The following ZDHHC5 variants were observed in gnomAD, a reference collection of about 807,000 sequenced individuals.
ZDHHC5 encodes zDHHC palmitoyltransferase 5, also known as palmitoyltransferase ZDHHC5.
In ZDHHC5, 22 loss-of-function variants were observed where a neutral mutation model predicts 70.0. The ratio of observed to expected loss-of-function variants is 0.31; its 90% CI spans 0.22 to 0.45. The LOEUF is 0.45. Ranked by LOEUF, ZDHHC5 falls within the 20% of genes least tolerant of loss-of-function variation. The pLI, the probability that ZDHHC5 is intolerant of heterozygous loss-of-function variation, is 1.00. For synonymous variants in ZDHHC5, 313 were observed against 347.8 expected (o/e 0.90, Z 1.11); for missense variants, 746 against 926.9 (o/e 0.80, Z 2.53).
At position 57,700,488 on chromosome 11, in the gene ZDHHC5, T is replaced by C. The variant is rs182445440; in HGVS notation, c.*457T>C. 22 of 151,588 alleles carry C rather than the reference T, an allele frequency of 1.5e-4. No homozygotes were observed. Among genetic ancestry groups the C allele is most frequent in the African/African-American group, 5.3e-4 (22 of 41,296 alleles). 9.4% of individuals were successfully genotyped at this position (151,588 alleles called of 1,614,324 possible). On this transcript the variant is annotated 3_prime_UTR_variant, in exon 12 of 12. Transcript: ENST00000287169. ...CTGGGATGGGAAAATGAGGGAGGGA[T>C]ACATATACGGAGGGGGATCTTACTC...
rs756062607 is a variant in ZDHHC5, at chr11:57,699,012, C to G, written c.1576C>G (p.Arg526Gly). ...TTTGGTGCCAACTGGCCCAACACAC[C>G]GAGAGCCCTCACCAGTCCGTTACGA... ...PRLVPTGPTH[R>G]EPSPVRYDNL... Residue 526 changes from arginine (R) to glycine (G), a missense_variant, in exon 11 of 12, where the codon CGA becomes GGA. Physicochemically the swap from Arg to Gly is moderately radical, Grantham distance 125. This residue lies in a region of ZDHHC5 where 340 missense variants were observed against 350.1 expected (regional missense o/e 0.97). Coordinates refer to ENST00000287169, the MANE Select transcript of ZDHHC5 (RefSeq NM_015457.3). The G allele has an allele frequency of 1.7e-5, 27 of 1,609,212 alleles. No individual in the cohort carries two copies. The highest frequency in any genetic ancestry group is 2.3e-5 in the Non-Finnish European group (27 of 1,180,012).
chr11:57,675,089 C>G (rs948820557), intron 2 of ZDHHC5, among the ~76,000 whole-genome samples: 2 of 152,142 alleles, frequency 1.3e-5, no homozygotes, highest in East Asian at 3.8e-4. Flanking sequence ...GAAGTAGAAT[C>G]AAAATTTTAA....
chr11:57,675,025 G>C (rs1946053787), intron 2 of ZDHHC5, among the ~76,000 whole-genome samples: 1 of 152,214 alleles, frequency 6.6e-6, no homozygotes, highest in Non-Finnish European at 1.5e-5. Flanking sequence ...CTACCAGAAA[G>C]AGGGGTGAGT....
chr11:57,680,659 A>T (rs1281439970), intron 2 of ZDHHC5, among the ~76,000 whole-genome samples: 2 of 152,164 alleles, frequency 1.3e-5, no homozygotes, highest in African/African-American at 4.8e-5. Flanking sequence ...CCCAGGCGGA[A>T]ATTGAAGTGA....
chr11:57,687,756 GTTTTTTTTTTT>G (rs746146074), intron 3 of ZDHHC5, among the ~76,000 whole-genome samples: 6 of 75,290 alleles, frequency 8.0e-5, no homozygotes, highest in Middle Eastern at 0.019. Flanking sequence ...TTTTGGGAAA[GTTTTTTTTTTT>G]TTTTTTTTTT....
Position 57,671,788 on chromosome 11 carries a change from T to A in ZDHHC5, c.-1070-233T>A, listed in dbSNP as rs139176135. Among the ~76,000 whole-genome samples, 120 of 152,360 alleles carry A rather than the reference T, an allele frequency of 7.9e-4. 5 individuals are homozygous for A. In the East Asian group the frequency reaches 0.016, roughly 21 times the overall value. On this transcript the variant is annotated intron_variant, in intron 1 of 11. Transcript: ENST00000287169. Reference sequence around the variant, plus strand: ...CCTTACAAGAGCTAGTCCTTTGATGTCCTTTGGCCAGGTGAAGCCATGTTC... The same window carrying A: ...CCTTACAAGAGCTAGTCCTTTGATGACCTTTGGCCAGGTGAAGCCATGTTC...
Position 57,700,124 on chromosome 11 carries a change from G to T in ZDHHC5, c.*93G>T. 1.4e-6 allele frequency: 2 copies of T among 1,430,782 alleles called. No individual in the cohort carries two copies. The highest frequency in any genetic ancestry group is 1.5e-5 in the South Asian group (1 of 67,242). 88.6% of individuals were successfully genotyped at this position (1,430,782 alleles called of 1,614,324 possible). ...TTCCCTCAAGGGGCTCCCCTCCCGT[G>T]CATGGACATTTTTTAAACCACCGAT... On this transcript the variant is annotated 3_prime_UTR_variant, in exon 12 of 12. Coordinates refer to ENST00000287169, the MANE Select transcript of ZDHHC5 (RefSeq NM_015457.3).
chr11:57,698,966 G>A lies in ZDHHC5; in HGVS notation c.1530G>A (p.Arg510=), dbSNP rs139706201. ...TGTCAGCCAGGCTGGCCCAGCAACG[G>A]GAAGCTGAGAGGCACCCACGTTTGG... is the stretch of plus-strand genomic sequence containing the variant. ...PFLSARLAQQ[R]EAERHPRLVP... The change falls in exon 11 of 12, where the codon CGG becomes CGA. Residue 510 remains arginine, a synonymous_variant. Coordinates refer to ENST00000287169, the MANE Select transcript of ZDHHC5 (RefSeq NM_015457.3). 7.4e-6 allele frequency: 12 copies of A among 1,612,788 alleles called. No individual in the cohort carries two copies. The highest frequency in any genetic ancestry group is 1.0e-5 in the Non-Finnish European group (12 of 1,180,004).
At chr11:57,682,270 G>A in intron 2 of ZDHHC5, 152 bp from the exon 3 acceptor site, 1 of 1,041,826 alleles carries the variant, frequency 9.6e-7, no homozygotes, top group Non-Finnish European at 1.3e-6. Flanking sequence ...CTCACTTAGT[G>A]GGAAAGATAA....
In ZDHHC5 at chr11:57,686,231, G is replaced by A. The variant is rs527889994; in HGVS notation, c.227-2277G>A. Among the ~76,000 whole-genome samples the A allele has an allele frequency of 9.2e-4, 140 of 152,130 alleles. 1 individual carries two copies. Among genetic ancestry groups the A allele is most frequent in the African/African-American group, 3.1e-3 (127 of 41,496 alleles). On this transcript the variant is annotated intron_variant, in intron 3 of 11. Coordinates refer to ENST00000287169, the MANE Select transcript of ZDHHC5 (RefSeq NM_015457.3). ...TTCAGGGCTGCAGTGAGCTGTGGTC[G>A]CAGCACAGCACTCCAGCCTGGGTGA...
chr11:57,695,775 A>T lies in ZDHHC5; in HGVS notation c.886-145A>T. The T allele has an allele frequency of 8.8e-6, 10 of 1,140,036 alleles. 1 individual carries two copies. The South Asian group carries it at 1.7e-4, about 19-fold the overall frequency. The allele number at this position is 1,140,036 out of a possible 1,614,324, so 70.6% of individuals were successfully genotyped here. On this transcript the variant is annotated intron_variant, in intron 8 of 11. Transcript: ENST00000287169. ...CGTACCACTGTACTCCAGCCTGGTCAACAGAGTGAGACCTTGTCTCAAAAA... is the reference window on the plus strand; with the variant it reads ...CGTACCACTGTACTCCAGCCTGGTCTACAGAGTGAGACCTTGTCTCAAAAA...
intron 2 of ZDHHC5, among the ~76,000 whole-genome samples, chr11:57,676,880 G>A (rs1251359859): frequency 1.3e-5 from 2 of 151,044 alleles, no homozygotes; most frequent in Non-Finnish European, 2.9e-5. Flanking sequence ...CTGGTGGGAG[G>A]GGGCAGGATA....
chr11:57,688,710 G>T, intron 4 of ZDHHC5, 45 bp downstream of exon 4: 8 of 1,528,120 alleles, frequency 5.2e-6, no homozygotes, highest in Non-Finnish European at 7.1e-6. Context: ...AACCTTCATT[G>T]TCTTCATCCT....
intron 3 of ZDHHC5, among the ~76,000 whole-genome samples, chr11:57,686,385 G>A (rs1946208251): frequency 1.3e-5 from 2 of 151,674 alleles, no homozygotes; most frequent in South Asian, 2.1e-4. Context: ...GCTCCATCTC[G>A]GCTCACTGCA....
chr11:57,692,976 G>A (rs2135399579), intron 7 of ZDHHC5, among the ~76,000 whole-genome samples: 1 of 152,184 alleles, frequency 6.6e-6, no homozygotes, highest in East Asian at 1.9e-4. Flanking sequence ...GGGCTGGGGT[G>A]GGGTGGTTTC....
chr11:57,685,341 A>C (rs1055879023), intron 3 of ZDHHC5, among the ~76,000 whole-genome samples: 21 of 152,098 alleles, frequency 1.4e-4, no homozygotes, highest in Non-Finnish European at 2.6e-4. Context: ...TATGATGGTC[A>C]TTTGGGGTTT....
chr11:57,697,771 A>C (rs1041714405), intron 10 of ZDHHC5, among the ~76,000 whole-genome samples: 1 of 145,582 alleles, frequency 6.9e-6, no homozygotes, highest in East Asian at 2.1e-4. Context: ...TGGAGGCTGC[A>C]GTGAGCTGAG....
chr11:57,673,284 A>C (rs1184605664), intron 2 of ZDHHC5, 90 bp downstream of exon 2: 1 of 1,304,746 alleles, frequency 7.7e-7, no homozygotes, highest in Non-Finnish European at 1.1e-6. Context: ...TTGCAAAGCC[A>C]AGTGACTGAG....
intron 1 of ZDHHC5, among the ~76,000 whole-genome samples, chr11:57,669,101 A>G (rs189195735): frequency 4.4e-4 from 67 of 152,346 alleles, no homozygotes; most frequent in Middle Eastern, 3.4e-3. Context: ...ATTATCACCC[A>G]TTGTATAAAC....
Sources: gnomAD v4.1 joint callset for allele counts (sites outside exome capture counted in the v4.1 genomes callset) on GRCh38, gnomAD v4.1.1 for gene constraint, gnomAD v4.1.1 regional missense constraint, MANE v1.5 for transcripts, NCBI Gene and HGNC (gene_info 2026-07-23, HGNC 2026-07-21) for gene names.